TJP1: variants seen among roughly 807,000 people sequenced by gnomAD.
The protein encoded by TJP1 is tight junction protein 1, also known as tight junction protein ZO-1.
In TJP1, 43 loss-of-function variants were observed where a neutral mutation model predicts 194.2. The ratio of observed to expected loss-of-function variants is 0.22; its 90% CI spans 0.17 to 0.29. The LOEUF is 0.29. TJP1 is among the 10% of genes least tolerant of loss of function. TJP1 has a pLI of 1.00. For synonymous variants in TJP1, 801 were observed against 779.0 expected (o/e 1.03, Z -0.47); for missense variants, 1,971 against 2,185.7 (o/e 0.90, Z 1.96).
At position 29,877,740 on chromosome 15, in the gene TJP1, C is replaced by A. The variant is rs552957536; in HGVS notation, c.307-77038G>T. 1.2e-3 allele frequency among the ~76,000 whole-genome samples: 185 copies of A among 151,220 alleles called. 1 individual carries two copies. Among genetic ancestry groups the A allele is most frequent in the African/African-American group, 4.3e-3 (178 of 41,178 alleles). On this transcript the variant is annotated intron_variant, in intron 2 of 28. Coordinates refer to the TJP1 transcript ENST00000356107. Reference sequence around the variant, plus strand: ...GTGGCACAATCTTGGCTCACTGCAACCTCCGCCTCCCAGGGTCAAGCCATT... The same window carrying A: ...GTGGCACAATCTTGGCTCACTGCAAACTCCGCCTCCCAGGGTCAAGCCATT...
intron 15 of TJP1, chr15:29,728,661 T>A (rs544003157): frequency 8.5e-5 from 13 of 152,396 alleles, no homozygotes; most frequent in African/African-American, 3.1e-4. Context: ...CAACCAACCA[T>A]CTCAGAGCAC....
chr15:29,881,773 T>C (rs1456714873), intron 2 of TJP1, among the ~76,000 whole-genome samples: 4 of 152,090 alleles, frequency 2.6e-5, no homozygotes, highest in Non-Finnish European at 5.9e-5. Context: ...CTTTAAAAAG[T>C]GCTTCTGGAC....
At chr15:29,895,781 G>C (rs949927065) in intron 2 of TJP1, among the ~76,000 whole-genome samples, 1 of 152,112 alleles carries the variant, frequency 6.6e-6, no homozygotes, top group African/African-American at 2.4e-5. Flanking sequence ...CACACTCCCA[G>C]TACCAGTTTC....
rs548626728 is a variant in TJP1, at chr15:29,736,631, C to T, written c.1407+633G>A. Among the ~76,000 whole-genome samples the T allele has an allele frequency of 9.9e-5, 15 of 152,206 alleles. No individual in the cohort carries two copies. In the South Asian group the frequency reaches 2.5e-3, roughly 25 times the overall value. Reference sequence around the variant, plus strand: ...ATGGTACTATGTCACTAGGTGAAACCGTTTATGGGGAAGGAAGGGAGGACT... The same window carrying T: ...ATGGTACTATGTCACTAGGTGAAACTGTTTATGGGGAAGGAAGGGAGGACT... On this transcript the variant is annotated intron_variant, in intron 11 of 27. Transcript: ENST00000614355.
At chr15:29,968,101 T>C in intron 1 of TJP1, 3 of 985,382 alleles carry the variant, frequency 3.0e-6, no homozygotes, top group Non-Finnish European at 3.6e-6. Flanking sequence ...CCTCATTACC[T>C]CAGTAACAGT....
intron 2 of TJP1, among the ~76,000 whole-genome samples, chr15:29,881,049 C>A (rs78604447): frequency 6.6e-6 from 1 of 152,128 alleles, no homozygotes; most frequent in African/African-American, 2.4e-5. Context: ...TACACTCCCA[C>A]CAACAGTGCA....
chr15:29,740,746 G>A (rs2044358792), intron 10 of TJP1, among the ~76,000 whole-genome samples: 1 of 152,084 alleles, frequency 6.6e-6, no homozygotes, highest in Admixed American at 6.6e-5. Context: ...AGTAATGAAA[G>A]GTGTTAAGAT....
At chr15:29,786,369 TAAAC>T (rs1567025334) in intron 2 of TJP1, among the ~76,000 whole-genome samples, 2 of 152,338 alleles carry the variant, frequency 1.3e-5, no homozygotes, top group Admixed American at 6.5e-5. Context: ...ACCAATGTTC[TAAAC>T]AAACATTGGC....
intron 2 of TJP1, among the ~76,000 whole-genome samples, chr15:29,947,287 A>G (rs2055318407): frequency 6.6e-6 from 1 of 152,220 alleles, no homozygotes; most frequent in Non-Finnish European, 1.5e-5. Context: ...GATTTATCTG[A>G]AAACAGAAAT....
intron 2 of TJP1, among the ~76,000 whole-genome samples, chr15:29,774,846 G>C (rs2046916893): frequency 6.6e-6 from 1 of 151,738 alleles, no homozygotes; most frequent in Non-Finnish European, 1.5e-5. Context: ...GCAACCATCT[G>C]AATCTGTTTC....
At chr15:29,804,360 A>T (rs1369410908) in intron 1 of TJP1, among the ~76,000 whole-genome samples, 1 of 152,166 alleles carries the variant, frequency 6.6e-6, no homozygotes, top group African/African-American at 2.4e-5. Context: ...AAAACTAAGA[A>T]ATCCTTCTAG....
intron 1 of TJP1, among the ~76,000 whole-genome samples, chr15:29,818,374 T>C (rs941151900): frequency 3.3e-5 from 5 of 152,250 alleles, no homozygotes; most frequent in African/African-American, 1.2e-4. Context: ...TTTAAACAAT[T>C]CTTTGGTGAC....
intron 2 of TJP1, among the ~76,000 whole-genome samples, chr15:29,953,518 AT>A (rs2055832752): frequency 6.6e-6 from 1 of 152,186 alleles, no homozygotes; most frequent in Non-Finnish European, 1.5e-5. Context: ...GCCCCTACAT[AT>A]TTTGGGTATT....
chr15:29,764,151 A>T (rs1217566467), intron 5 of TJP1, among the ~76,000 whole-genome samples: 1 of 152,072 alleles, frequency 6.6e-6, no homozygotes, highest in East Asian at 2.0e-4. Flanking sequence ...GGATGTTAGC[A>T]TGGTAATCCC....
intron 2 of TJP1, among the ~76,000 whole-genome samples, chr15:29,916,356 C>G (rs17672158): frequency 0.26 from 39,012 of 151,548 alleles, 6,149 homozygotes; most frequent in Non-Finnish European, 0.36. Flanking sequence ...CTATGAAATG[C>G]TCTGGGTTGG....
chr15:29,792,411 T>G (rs996193566), intron 2 of TJP1, among the ~76,000 whole-genome samples: 5 of 152,200 alleles, frequency 3.3e-5, no homozygotes, highest in Non-Finnish European at 7.3e-5. Flanking sequence ...GAGGTAAATG[T>G]GTGGATTTTT....
intron 1 of TJP1, among the ~76,000 whole-genome samples, chr15:29,811,426 G>A (rs1007807619): frequency 6.7e-6 from 1 of 149,268 alleles, no homozygotes; most frequent in African/African-American, 2.5e-5. Context: ...GGATTACTTG[G>A]GTGGGGGTGG....
chr15:29,772,067 T>G lies in TJP1; in HGVS notation c.309A>C (p.Lys103Asn). The G allele has an allele frequency of 6.3e-7, 1 of 1,588,512 alleles. No individual in the cohort carries two copies. The highest frequency in any genetic ancestry group is 8.6e-7 in the Non-Finnish European group (1 of 1,167,344). The change falls in exon 4 of 28, where the codon AAA (lysine) becomes AAC (asparagine). Residue 103 changes from lysine to asparagine, a missense_variant. By Grantham distance (94) the Lys-to-Asn change is moderately conservative (BLOSUM62 0). Coordinates refer to ENST00000614355, the MANE Select transcript of TJP1 (RefSeq NM_001330239.4). ...QQLRKSGKNAKITIRRKKKVQ... is the reference protein window; with the variant it reads ...QQLRKSGKNANITIRRKKKVQ... Reference sequence around the variant, plus strand: ...ATTACAGAGAAAAGATACTTACAATTTTTGCATTTTTCCCACTTTTCCTTA... The same window carrying G: ...ATTACAGAGAAAAGATACTTACAATGTTTGCATTTTTCCCACTTTTCCTTA...
At chr15:29,730,565 C>G (rs955774955) in intron 15 of TJP1, 1 of 493,440 alleles carries the variant, frequency 2.0e-6, no homozygotes, top group African/African-American at 2.0e-5. Context: ...CCACTGCACT[C>G]CTGCCTGGGC....
Sources: allele counts gnomAD v4.1 joint callset (sites outside exome capture counted in the v4.1 genomes callset), GRCh38; gene constraint gnomAD v4.1.1; transcripts MANE v1.5; gene names NCBI Gene and HGNC (gene_info 2026-07-23, HGNC 2026-07-21).